Variants in CELSR1 observed in about 807,000 individuals in gnomAD.
CELSR1 encodes cadherin EGF LAG seven-pass G-type receptor 1, also known as adhesion G protein-coupled receptor C1.
Under a neutral mutation model 249.1 loss-of-function variants are expected in CELSR1, and 110 were observed. That is an observed-to-expected ratio of 0.44 (90% CI 0.38 to 0.52). The LOEUF is 0.52. CELSR1 is among the 20% of genes least tolerant of loss of function. The pLI is 0.00. For synonymous variants in CELSR1, 2,113 were observed against 1,900.0 expected (o/e 1.11, Z -2.92); for missense variants, 4,109 against 4,296.4 (o/e 0.96, Z 1.22).
chr22:46,438,243 G>A (rs546743860), intron 3 of CELSR1, among the ~76,000 whole-genome samples: 44 of 152,336 alleles, frequency 2.9e-4, no homozygotes, highest in Non-Finnish European at 5.4e-4. Flanking sequence ...GGGATGAGAG[G>A]CAGCTGGGAA....
chr22:46,532,635 C>G (rs2080803374), intron 1 of CELSR1, among the ~76,000 whole-genome samples: 1 of 152,196 alleles, frequency 6.6e-6, no homozygotes, highest in African/African-American at 2.4e-5. Context: ...AAACAGCCAG[C>G]CAATCTGAGC....
chr22:46,498,905 C>A (rs1478491785), intron 1 of CELSR1, among the ~76,000 whole-genome samples: 1 of 152,002 alleles, frequency 6.6e-6, no homozygotes, highest in Non-Finnish European at 1.5e-5. Flanking sequence ...TGGGGCCGGG[C>A]TCGGTGGCTC....
chr22:46,439,550 T>C, intron 2 of CELSR1, 139 bp from the exon 3 acceptor site: 1 of 679,516 alleles, frequency 1.5e-6, no homozygotes, highest in South Asian at 1.9e-5. Context: ...CCAGGACAGG[T>C]CTGTGACATG....
At position 46,389,384 on chromosome 22, in the gene CELSR1, C is replaced by T. The variant is rs201324896; in HGVS notation, c.6461G>A (p.Arg2154His). 1.7e-4 allele frequency: 273 copies of T among 1,611,232 alleles called. No individual in the cohort carries two copies. Among genetic ancestry groups the T allele is most frequent in the Non-Finnish European group, 2.2e-4 (258 of 1,179,892 alleles). ...GTGGCCCAGCAGCTGGTAGGCCGTG[C>T]GCACGTCATTGCCAAAGAGCGTGCC... ...HTGTLFGNDV[R>H]TAYQLLGHVL... The change falls in exon 18 of 35, where the codon CGC becomes CAC. Residue 2154 changes from arginine (R) to histidine (H), a missense_variant. Arg to His is a conservative substitution (Grantham distance 29). Transcript: ENST00000674500.
At chr22:46,515,026 C>T (rs1336587497) in intron 1 of CELSR1, among the ~76,000 whole-genome samples, 1 of 152,216 alleles carries the variant, frequency 6.6e-6, no homozygotes, top group African/African-American at 2.4e-5. Flanking sequence ...CCTCGCCAGC[C>T]CCTTCTAGAA....
At position 46,423,507 on chromosome 22, in the gene CELSR1, A is replaced by C. The variant is rs910638522; in HGVS notation, c.4611+9886T>G. Among the ~76,000 whole-genome samples the C allele has an allele frequency of 8.0e-5, 12 of 150,044 alleles. No homozygotes were observed. The highest frequency in any genetic ancestry group is 3.0e-4 in the African/African-American group (12 of 40,578). On this transcript the variant is annotated intron_variant, in intron 5 of 34. Coordinates refer to ENST00000674500, the MANE Select transcript of CELSR1 (RefSeq NM_001378328.1). The surrounding 1 kb of genome is among the most constrained non-coding windows in gnomAD (Gnocchi z 5.6). ...GTAATCCCACCTACTCGGGAGGCTG[A>C]GGCAGGAGAATTGCTTGAACCTGGG...
rs983763563 is a variant in CELSR1 at position 46,434,060 on chromosome 22, C to T, written c.4523-579G>A. 6.6e-5 allele frequency among the ~76,000 whole-genome samples: 10 copies of T among 152,354 alleles called. No individual in the cohort carries two copies. Among genetic ancestry groups the T allele is most frequent in the African/African-American group, 1.2e-4 (5 of 41,592 alleles). On this transcript the variant is annotated intron_variant, in intron 4 of 34. Coordinates refer to ENST00000674500, the MANE Select transcript of CELSR1 (RefSeq NM_001378328.1). This position sits in a 1 kb window ranked among gnomAD's most constrained non-coding sequence, Gnocchi z 4.9. ...GTACCAGCAGCAGTCACACCTACAC[C>T]GCACCAGAGGTCGAACCCTTTTTCC... is the stretch of plus-strand genomic sequence containing the variant.
chr22:46,501,715 C>G (rs1022335871), intron 1 of CELSR1, among the ~76,000 whole-genome samples: 6 of 152,170 alleles, frequency 3.9e-5, no homozygotes, highest in Non-Finnish European at 7.3e-5. Context: ...AAATGCCAAA[C>G]ATCACTCCCT....
rs1383961340 is a variant in CELSR1 at position 46,429,315 on chromosome 22, C to T, written c.4611+4078G>A. On this transcript the variant is annotated intron_variant, in intron 5 of 34. Coordinates refer to ENST00000674500, the MANE Select transcript of CELSR1 (RefSeq NM_001378328.1). The surrounding 1 kb of genome is among the most constrained non-coding windows in gnomAD (Gnocchi z 4.1). ...GTCCACCCTTTTGAAGTTGTGGACA[C>T]ACCTTCAAACCAGCCTTGAGGGAAA... Among the ~76,000 whole-genome samples the T allele has an allele frequency of 6.6e-6, 1 of 152,178 alleles. No individual in the cohort carries two copies. The highest frequency in any genetic ancestry group is 1.5e-5 in the Non-Finnish European group (1 of 68,032).
Position 46,391,640 on chromosome 22 carries a change from G to A in CELSR1, c.6141C>T (p.Gly2047=), listed in dbSNP as rs1432401170. The part of the protein sequence containing the change: ...DNPFAEVTTL[G]CEVIYNGCPK... ...TCGAGGGGCAACGCGGACCTTCACA[G>A]CCGAGCGTGGTGACCTCGGCAAACG... Residue 2047 remains glycine, a synonymous_variant, in exon 15 of 35, where the codon GGC becomes GGT. Transcript: ENST00000674500. The surrounding 1 kb of genome is among the most constrained non-coding windows in gnomAD (Gnocchi z 4.3). 6.3e-7 allele frequency: 1 copy of A among 1,599,946 alleles called. No individual in the cohort carries two copies. The highest frequency in any genetic ancestry group is 8.5e-7 in the Non-Finnish European group (1 of 1,176,212).
chr22:46,448,598 T>A lies in CELSR1; in HGVS notation c.4184-9187A>T. On this transcript the variant is annotated intron_variant, in intron 2 of 34. Coordinates refer to ENST00000674500, the MANE Select transcript of CELSR1 (RefSeq NM_001378328.1). The surrounding 1 kb of genome is among the most constrained non-coding windows in gnomAD (Gnocchi z 5.7). ...GAGCTTTGAACTAGAAAAACTAGAA[T>A]TTCCAAAGGCCACAATGGTAAAACT... is the stretch of plus-strand genomic sequence containing the variant. 1 of 432,702 alleles carries A rather than the reference T, an allele frequency of 2.3e-6. No individual in the cohort carries two copies. Among genetic ancestry groups the A allele is most frequent in the Non-Finnish European group, 4.6e-6 (1 of 218,250 alleles). The allele number at this position is 432,702 out of a possible 1,614,324, so 26.8% of individuals were successfully genotyped here.
Position 46,362,054 on chromosome 22 carries a change from C to T in CELSR1, c.*1169G>A, listed in dbSNP as rs1320071168. 6.6e-6 allele frequency: 1 copy of T among 151,426 alleles called. No homozygotes were observed. The highest frequency in any genetic ancestry group is 6.5e-5 in the Admixed American group (1 of 15,282). 9.4% of individuals were successfully genotyped at this position (151,426 alleles called of 1,614,324 possible). On this transcript the variant is annotated 3_prime_UTR_variant, in exon 35 of 35. Transcript: ENST00000674500. ...CAGACTCCAGAGGGGAGAACCCTGC[C>T]TGGAGATCCTCGCAGTCTCAGAGAG...
intron 5 of CELSR1, among the ~76,000 whole-genome samples, chr22:46,421,781 T>C (rs2079475741): frequency 6.6e-6 from 1 of 152,274 alleles, no homozygotes; most frequent in South Asian, 2.1e-4. Flanking sequence ...TGGGAGCACG[T>C]GCAGACTGCC....
At chr22:46,486,573 G>A (rs948714537) in intron 1 of CELSR1, among the ~76,000 whole-genome samples, 1 of 140,868 alleles carries the variant, frequency 7.1e-6, no homozygotes, top group African/African-American at 2.7e-5. Context: ...CTGGACGCAG[G>A]GGCTCACGCC....
At position 46,381,257 on chromosome 22, in the gene CELSR1, A is replaced by AT. The variant is rs1491116345; in HGVS notation, c.7089-303_7089-302insA. The stretch of plus-strand genomic sequence containing the variant: ...CCATAATAGCTAATGGCAGAATCAC[A>AT]GGGGATGGTTTCAGTGTCCAGCAAA... On this transcript the variant is annotated intron_variant, in intron 21 of 34. Transcript: ENST00000674500. The surrounding 1 kb of genome is among the most constrained non-coding windows in gnomAD (Gnocchi z 6.0). Among the ~76,000 whole-genome samples, 14 of 152,328 alleles carry AT rather than the reference A, an allele frequency of 9.2e-5. No individual in the cohort carries two copies. Among genetic ancestry groups the AT allele is most frequent in the Non-Finnish European group, 1.5e-4 (10 of 68,026 alleles).
chr22:46,383,675 C>T (rs879220468), intron 20 of CELSR1, among the ~76,000 whole-genome samples: 16 of 152,072 alleles, frequency 1.1e-4, no homozygotes, highest in South Asian at 2.1e-4. Context: ...TACAGGCATG[C>T]GCCACCATGC....
chr22:46,516,726 G>T (rs71313053), intron 1 of CELSR1, among the ~76,000 whole-genome samples: 6 of 151,970 alleles, frequency 3.9e-5, no homozygotes, highest in African/African-American at 9.7e-5. Flanking sequence ...TGGCTCCTCC[G>T]GCCCAACGGA....
rs1234459758 is a variant in CELSR1, at chr22:46,433,308, T to C, written c.4611+85A>G. On this transcript the variant is annotated intron_variant, in intron 5 of 34. Coordinates refer to ENST00000674500, the MANE Select transcript of CELSR1 (RefSeq NM_001378328.1). The surrounding 1 kb of genome is among the most constrained non-coding windows in gnomAD (Gnocchi z 5.7). ...CCTTGGCCTCTCAAAGTGCTGGGAT[T>C]ACAGGCGTGAGCCACTGCGCCTCGC... The C allele has an allele frequency of 4.0e-6, 4 of 998,834 alleles. No homozygotes were observed. Among genetic ancestry groups the C allele is most frequent in the African/African-American group, 1.6e-5 (1 of 61,834 alleles). 61.9% of individuals were successfully genotyped at this position (998,834 alleles called of 1,614,324 possible). A position where few individuals can be genotyped will look rare whatever the true frequency, so the allele number is the denominator to read the frequency against.
chr22:46,397,591 A>T, intron 12 of CELSR1, 83 bp downstream of exon 12: 1 of 1,259,370 alleles, frequency 7.9e-7, no homozygotes, highest in Non-Finnish European at 1.0e-6. Flanking sequence ...TGGGGACGCT[A>T]ATGTCTAAAC....
Sources: gnomAD v4.1 joint callset for allele counts (sites outside exome capture counted in the v4.1 genomes callset) on GRCh38, gnomAD v4.1.1 for gene constraint, Gnocchi (gnomAD v3.1) non-coding constraint, MANE v1.5 for transcripts, NCBI Gene and HGNC (gene_info 2026-07-23, HGNC 2026-07-21) for gene names.